The following AGBL4 variants were observed in gnomAD, a reference collection of about 807,000 sequenced individuals.
The protein encoded by AGBL4 is AGBL carboxypeptidase 4, also known as cytosolic carboxypeptidase 6.
A neutral mutation model predicts 66.4 loss-of-function variants in AGBL4; 58 were observed. The ratio of observed to expected loss-of-function variants is 0.87; its 90% CI spans 0.71 to 1.09. The LOEUF (loss-of-function observed/expected upper bound fraction) is 1.09. Ranked by LOEUF, AGBL4 falls within the 50% of genes least tolerant of loss-of-function variation. AGBL4 has a pLI of 0.00. For synonymous variants in AGBL4, 234 were observed against 222.9 expected (o/e 1.05, Z -0.44); for missense variants, 579 against 631.0 (o/e 0.92, Z 0.88).
intron 3 of AGBL4, among the ~76,000 whole-genome samples, chr1:49,432,901 T>C (rs1398591142): frequency 6.6e-6 from 1 of 152,196 alleles, no homozygotes. Context: ...GGTTGGGACA[T>C]TCAGTTGCAG....
chr1:49,281,395 T>C (rs1644269415), intron 3 of AGBL4, among the ~76,000 whole-genome samples: 2 of 152,138 alleles, frequency 1.3e-5, no homozygotes, highest in Admixed American at 1.3e-4. Context: ...GATGAAGCCA[T>C]CATGAGGATT....
intron 2 of AGBL4, among the ~76,000 whole-genome samples, chr1:49,840,510 C>T (rs947128772): frequency 6.6e-6 from 1 of 152,310 alleles, no homozygotes; most frequent in Admixed American, 6.5e-5. Context: ...TCCTCCCTAA[C>T]TCATTCTATG....
chr1:49,938,553 T>A (rs1654364927), intron 1 of AGBL4, among the ~76,000 whole-genome samples: 1 of 152,098 alleles, frequency 6.6e-6, no homozygotes, highest in Admixed American at 6.5e-5. Flanking sequence ...AAAAGAGAAT[T>A]TTAAACCAAT....
chr1:49,516,122 A>C (rs1298747214), intron 3 of AGBL4, among the ~76,000 whole-genome samples: 2 of 151,580 alleles, frequency 1.3e-5, no homozygotes, highest in East Asian at 3.9e-4. Flanking sequence ...TTTCTAACTC[A>C]CACAAAGATT....
intron 6 of AGBL4, among the ~76,000 whole-genome samples, chr1:48,683,450 CA>C (rs1456483978): frequency 6.6e-6 from 1 of 152,204 alleles, no homozygotes; most frequent in Non-Finnish European, 1.5e-5. Flanking sequence ...ATGTGCAGTC[CA>C]CACAGAGTCT....
intron 6 of AGBL4, among the ~76,000 whole-genome samples, chr1:48,863,037 T>C (rs901450506): frequency 2.0e-5 from 3 of 152,160 alleles, no homozygotes; most frequent in Non-Finnish European, 4.4e-5. Context: ...TCATAAACTA[T>C]GTAGGAAAAG....
chr1:49,930,841 G>A (rs1466741875), intron 1 of AGBL4, among the ~76,000 whole-genome samples: 1 of 152,078 alleles, frequency 6.6e-6, no homozygotes, highest in Non-Finnish European at 1.5e-5. Flanking sequence ...ACAAAGATCA[G>A]GAGCAAACCA....
At chr1:48,759,135 C>T in intron 6 of AGBL4, 1 of 1,613,870 alleles carries the variant, frequency 6.2e-7, no homozygotes, top group South Asian at 1.1e-5. Flanking sequence ...CTAGACTGTC[C>T]ATGTCCTCTG....
rs527786496 is a variant in AGBL4, at chr1:48,960,272, G to A, written c.594+85312C>T. Among the ~76,000 whole-genome samples, 12 of 152,172 alleles carry A rather than the reference G, an allele frequency of 7.9e-5. No homozygotes were observed. The South Asian group carries it at 1.5e-3, about 18-fold the overall frequency. ...AAAAGATGATTTCAAAATTATTAGC[G>A]TTGCCATTTACAGAAATGGGGGAGA... On this transcript the variant is annotated intron_variant, in intron 5 of 13. Transcript: ENST00000371839.
At chr1:49,752,135 CTT>C (rs1221381696) in intron 2 of AGBL4, among the ~76,000 whole-genome samples, 4 of 152,002 alleles carry the variant, frequency 2.6e-5, no homozygotes, top group African/African-American at 9.7e-5. Flanking sequence ...TTTGTTTGCT[CTT>C]GATTCTCTAG....
chr1:49,937,834 C>G (rs1437989796), intron 1 of AGBL4, among the ~76,000 whole-genome samples: 2 of 152,018 alleles, frequency 1.3e-5, no homozygotes, highest in Non-Finnish European at 2.9e-5. Flanking sequence ...GGGACACATT[C>G]AAAGCAGTGT....
chr1:48,892,224 T>A (rs951326933), intron 5 of AGBL4, among the ~76,000 whole-genome samples: 2 of 152,208 alleles, frequency 1.3e-5, no homozygotes, highest in Non-Finnish European at 2.9e-5. Context: ...CACATGGCAT[T>A]CTCTCTGACT....
chr1:48,560,096 C>T (rs960067607), intron 11 of AGBL4, among the ~76,000 whole-genome samples: 1 of 152,186 alleles, frequency 6.6e-6, no homozygotes, highest in Admixed American at 6.5e-5. Flanking sequence ...CCTATCCCCT[C>T]CTCTGAACTC....
intron 8 of AGBL4, among the ~76,000 whole-genome samples, chr1:48,651,181 A>AC (rs749563436): frequency 8.5e-5 from 13 of 152,354 alleles, no homozygotes; most frequent in Non-Finnish European, 1.5e-4. Flanking sequence ...AATGAGAATC[A>AC]CATATTCTCA....
chr1:49,656,155 A>C (rs1310582781), intron 3 of AGBL4, among the ~76,000 whole-genome samples: 2 of 152,124 alleles, frequency 1.3e-5, no homozygotes, highest in Non-Finnish European at 2.9e-5. Context: ...TCAAAAAAAA[A>C]AAAAATGATA....
At chr1:49,485,228 C>A (rs553980871) in intron 3 of AGBL4, among the ~76,000 whole-genome samples, 2 of 151,910 alleles carry the variant, frequency 1.3e-5, no homozygotes, top group Admixed American at 1.3e-4. Flanking sequence ...CAATGATAGA[C>A]TGGATTAAGA....
downstream of AGBL4, among the ~76,000 whole-genome samples, chr1:48,530,224 C>T (rs1033087131): frequency 8.5e-5 from 13 of 152,162 alleles, no homozygotes; most frequent in African/African-American, 3.1e-4. Context: ...TTAGGGTTCT[C>T]ATTTTTTCTC....
chr1:48,938,694 T>G (rs1200438978), intron 5 of AGBL4, among the ~76,000 whole-genome samples: 1 of 152,218 alleles, frequency 6.6e-6, no homozygotes, highest in Non-Finnish European at 1.5e-5. Context: ...TACGTAACTT[T>G]GCATATACTC....
intron 5 of AGBL4, among the ~76,000 whole-genome samples, chr1:48,910,096 G>A (rs929573955): frequency 3.3e-5 from 5 of 152,164 alleles, no homozygotes; most frequent in Non-Finnish European, 5.9e-5. Context: ...CTTCCTTAAT[G>A]AATCTGAATT....
Sources: gnomAD v4.1 joint callset for allele counts (sites outside exome capture counted in the v4.1 genomes callset) on GRCh38, gnomAD v4.1.1 for gene constraint, MANE v1.5 for transcripts, NCBI Gene and HGNC (gene_info 2026-07-23, HGNC 2026-07-21) for gene names.